TWIST2: variants seen among roughly 807,000 people sequenced by gnomAD.
TWIST2 encodes the protein twist-related protein 2.
In TWIST2, 1 loss-of-function variant was observed where a neutral mutation model predicts 11.6. The observed-to-expected ratio is 0.09, with a 90% CI of 0.03 to 0.41. The LOEUF (loss-of-function observed/expected upper bound fraction) is 0.41, where lower values mean the gene tolerates loss of function less well. Among genes scored for constraint, TWIST2 ranks in the 10% least tolerant of loss-of-function variants. TWIST2 has a pLI of 0.98. For missense variants in TWIST2, 168 were observed against 226.4 expected, an observed-to-expected ratio of 0.74 and a Z score of 1.66; for synonymous variants, 87 against 96.6, an observed-to-expected ratio of 0.90 and a Z score of 0.58.
intron 1 of TWIST2, among the ~76,000 whole-genome samples, chr2:238,852,663 A>G (rs1002742941): frequency 0.012 from 610 of 50,448 alleles, 2 homozygotes; most frequent in African/African-American, 0.066. Flanking sequence ...ACACACACAC[A>G]CACACGCACA....
chr2:238,870,790 A>C (rs1264333903), intron 1 of TWIST2, among the ~76,000 whole-genome samples: 3 of 17,876 alleles, frequency 1.7e-4, no homozygotes, highest in African/African-American at 6.5e-4. Flanking sequence ...ACTACACACA[A>C]ACCACACACC....
intron 1 of TWIST2, among the ~76,000 whole-genome samples, chr2:238,897,944 C>T (rs1314511920): frequency 6.6e-6 from 1 of 152,234 alleles, no homozygotes; most frequent in Non-Finnish European, 1.5e-5. Flanking sequence ...CACCCTGATG[C>T]CTGCCCATTG....
chr2:238,856,503 T>C (rs761031039), intron 1 of TWIST2, among the ~76,000 whole-genome samples: 7 of 152,184 alleles, frequency 4.6e-5, no homozygotes, highest in African/African-American at 1.4e-4. Flanking sequence ...TGTACATTAG[T>C]CTATCATTTA....
chr2:238,907,932 A>G (rs1256527118), intron 1 of TWIST2, among the ~76,000 whole-genome samples: 3 of 145,490 alleles, frequency 2.1e-5, no homozygotes, highest in African/African-American at 7.8e-5. Flanking sequence ...TACACCACAC[A>G]CAAACACACA....
rs187752244 is a variant in TWIST2, at chr2:238,875,615, C to T, written c.*35+26882C>T. Among the ~76,000 whole-genome samples the T allele has an allele frequency of 5.3e-5, 8 of 152,256 alleles. No individual in the cohort carries two copies. In the East Asian group the frequency reaches 9.7e-4, roughly 18 times the overall value. ...AGAGGTTGGCTTCCAGTGGGCTGGA[C>T]GTTTACAAACAGATGGGAGCCAAGA... On this transcript the variant is annotated intron_variant, in intron 1 of 1. Transcript: ENST00000612363.
chr2:238,902,555 C>T (rs1023647724), intron 1 of TWIST2, among the ~76,000 whole-genome samples: 26 of 132,240 alleles, frequency 2.0e-4, no homozygotes, highest in East Asian at 2.4e-4. Context: ...CATGTGTGTG[C>T]GATGTGGGGT....
intron 1 of TWIST2, among the ~76,000 whole-genome samples, chr2:238,882,273 C>T (rs966973228): frequency 2.0e-5 from 3 of 152,198 alleles, no homozygotes; most frequent in Non-Finnish European, 4.4e-5. Flanking sequence ...GTGCACTGTC[C>T]TGTGCTTCCC....
chr2:238,883,252 C>A (rs1692969746), intron 1 of TWIST2, among the ~76,000 whole-genome samples: 1 of 152,186 alleles, frequency 6.6e-6, no homozygotes, highest in South Asian at 2.1e-4. Flanking sequence ...CAGGCAGTCA[C>A]CCCTCGTGGA....
At chr2:238,889,663 A>T (rs546532714) in intron 1 of TWIST2, among the ~76,000 whole-genome samples, 1 of 152,350 alleles carries the variant, frequency 6.6e-6, no homozygotes, top group East Asian at 1.9e-4. Flanking sequence ...TCTAAGCTGC[A>T]GTGAATAGTC....
chr2:238,907,591 G>C (rs1182877838), intron 1 of TWIST2, among the ~76,000 whole-genome samples: 2 of 152,096 alleles, frequency 1.3e-5, no homozygotes, highest in Admixed American at 1.3e-4. Flanking sequence ...TGGCATGAGG[G>C]GACCTTGTGG....
At chr2:238,887,308 G>C (rs1012327149) in intron 1 of TWIST2, 1 of 152,086 alleles carries the variant, frequency 6.6e-6, no homozygotes, top group African/African-American at 2.4e-5. Flanking sequence ...TGTTGATGTA[G>C]GTCAGTTAAG....
intron 1 of TWIST2, among the ~76,000 whole-genome samples, 166 bp from the exon 2 acceptor site, chr2:238,909,676 T>G (rs1693420648): frequency 6.6e-6 from 1 of 152,086 alleles, no homozygotes; most frequent in Non-Finnish European, 1.5e-5. Context: ...CCCGTAGCAG[T>G]CACCTGCCCA....
At chr2:238,896,605 G>A (rs1382955730) in intron 1 of TWIST2, among the ~76,000 whole-genome samples, 3 of 152,188 alleles carry the variant, frequency 2.0e-5, no homozygotes, top group Non-Finnish European at 2.9e-5. Flanking sequence ...CTCAGAGCAG[G>A]CAGCACCTGG....
Position 238,864,956 on chromosome 2 carries a change from C to G in TWIST2, c.*35+16223C>G, listed in dbSNP as rs1290137331. Among the ~76,000 whole-genome samples, 4 of 152,122 alleles carry G rather than the reference C, an allele frequency of 2.6e-5. No individual in the cohort carries two copies. Among genetic ancestry groups the G allele is most frequent in the African/African-American group, 9.7e-5 (4 of 41,446 alleles). ...CCTGGAGGATGCATCTACTGCCAGG[C>G]TCGGTGGGCCTGGCCACCCGAGGGG... On this transcript the variant is annotated intron_variant, in intron 1 of 1. Transcript: ENST00000612363. The surrounding 1 kb of genome is among the most constrained non-coding windows in gnomAD (Gnocchi z 4.7).
At chr2:238,894,010 T>A (rs1163644854) in intron 1 of TWIST2, among the ~76,000 whole-genome samples, 2 of 152,042 alleles carry the variant, frequency 1.3e-5, no homozygotes, top group Non-Finnish European at 2.9e-5. Flanking sequence ...CGCTTGCCCC[T>A]AAATATCTGC....
chr2:238,852,755 G>A (rs886279950), intron 1 of TWIST2, among the ~76,000 whole-genome samples: 7 of 152,190 alleles, frequency 4.6e-5, no homozygotes, highest in Non-Finnish European at 7.3e-5. Context: ...ATTGACGCCA[G>A]TTTCCTGATT....
rs557494669 is a variant in TWIST2, at chr2:238,892,956, T to TA, written c.*36-16882dup. Among the ~76,000 whole-genome samples, 278 of 152,296 alleles carry TA rather than the reference T, an allele frequency of 1.8e-3. 1 individual carries two copies. Among genetic ancestry groups the TA allele is most frequent in the Middle Eastern group, 6.8e-3 (2 of 294 alleles). On this transcript the variant is annotated intron_variant, in intron 1 of 1. Transcript: ENST00000612363. ...AGAAGTTTGAGAATCTGAAATGGGC[T>TA]AAAAGTAACTGAGTCCAGAGCTTGG...
intron 1 of TWIST2, among the ~76,000 whole-genome samples, chr2:238,895,107 C>T (rs1018753680): frequency 5.9e-5 from 9 of 152,358 alleles, no homozygotes; most frequent in African/African-American, 2.2e-4. Context: ...GCTGCTGTTG[C>T]TGCTGCTGCC....
intron 1 of TWIST2, among the ~76,000 whole-genome samples, chr2:238,853,862 C>T (rs1692286605): frequency 6.6e-6 from 1 of 152,184 alleles, no homozygotes; most frequent in African/African-American, 2.4e-5. Flanking sequence ...CTATTTCATC[C>T]TCAACTGTGG....
Sources: allele counts gnomAD v4.1 joint callset (sites outside exome capture counted in the v4.1 genomes callset), GRCh38; gene constraint gnomAD v4.1.1; non-coding constraint Gnocchi (gnomAD v3.1); transcripts MANE v1.5; gene names NCBI Gene and HGNC (gene_info 2026-07-23, HGNC 2026-07-21).